The following HIPK2 variants were observed in gnomAD, a reference collection of about 807,000 sequenced individuals.
HIPK2 encodes homeodomain-interacting protein kinase 2.
HIPK2 carries 27 observed loss-of-function variants against 113.7 expected under a neutral mutation model. That is an observed-to-expected ratio of 0.24 (90% confidence interval 0.17 to 0.33). The LOEUF (loss-of-function observed/expected upper bound fraction) is 0.33. HIPK2 is among the 10% of genes least tolerant of loss of function. HIPK2 has a pLI of 1.00. For synonymous variants in HIPK2, 631 were observed against 642.2 expected (o/e 0.98, Z 0.26); for missense variants, 1,257 against 1,588.0 (o/e 0.79, Z 3.54).
intron 1 of HIPK2, among the ~76,000 whole-genome samples, chr7:139,724,528 CTTT>C (rs1002336723): frequency 1.3e-5 from 2 of 151,340 alleles, no homozygotes; most frequent in Non-Finnish European, 2.9e-5. Context: ...CTACAGAATT[CTTT>C]TTTTTTATTA....
At chr7:139,652,972 C>G (rs1254768384) in intron 2 of HIPK2, among the ~76,000 whole-genome samples, 2 of 151,812 alleles carry the variant, frequency 1.3e-5, no homozygotes, top group Non-Finnish European at 2.9e-5. Flanking sequence ...AACCCCACCT[C>G]TACTAAAAAT....
chr7:139,694,224 A>C (rs1794498215), intron 2 of HIPK2, among the ~76,000 whole-genome samples: 1 of 152,196 alleles, frequency 6.6e-6, no homozygotes, highest in Admixed American at 6.5e-5. Flanking sequence ...ATGAACTTTA[A>C]TCCATCCTCC....
intron 2 of HIPK2, among the ~76,000 whole-genome samples, chr7:139,677,526 A>G (rs1802545342): frequency 6.6e-6 from 1 of 152,178 alleles, no homozygotes. Context: ...CGGAAGGCAG[A>G]AGGTCAAGAG....
At chr7:139,670,583 A>G (rs1192035951) in intron 2 of HIPK2, among the ~76,000 whole-genome samples, 1 of 149,894 alleles carries the variant, frequency 6.7e-6, no homozygotes, top group Non-Finnish European at 1.5e-5. Flanking sequence ...CCTGTCTTGA[A>G]AAAAAAAAAG....
At chr7:139,664,175 T>G (rs1345614301) in intron 2 of HIPK2, among the ~76,000 whole-genome samples, 2 of 152,154 alleles carry the variant, frequency 1.3e-5, no homozygotes, top group East Asian at 3.9e-4. Flanking sequence ...ATATCTCATG[T>G]TAATCTCACT....
At chr7:139,641,694 G>A (rs1265256989) in intron 2 of HIPK2, among the ~76,000 whole-genome samples, 3 of 152,174 alleles carry the variant, frequency 2.0e-5, no homozygotes, top group Admixed American at 6.5e-5. Flanking sequence ...TGGCATCGGC[G>A]GCAACAAGGG....
At chr7:139,729,404 T>TAACACAA (rs1795702747) in intron 1 of HIPK2, among the ~76,000 whole-genome samples, 1 of 138,344 alleles carries the variant, frequency 7.2e-6, no homozygotes, top group Non-Finnish European at 1.5e-5. Flanking sequence ...GGCTTATTAA[T>TAACACAA]AACACAAAAA....
intron 6 of HIPK2, among the ~76,000 whole-genome samples, chr7:139,622,733 A>G (rs1800277403): frequency 1.3e-5 from 2 of 152,278 alleles, no homozygotes; most frequent in South Asian, 4.1e-4. Flanking sequence ...TTTTCCCAGC[A>G]AGTTCTAGAG....
rs1798329453 is a variant in HIPK2 at position 139,572,765 on chromosome 7, C to CCG, written c.*161_*162insCG. ...TCCCGACCCGTCCCCCTGCCCTCTGCCCCCCCCCCCCCCCCCGCCCCTGCC... is the reference window on the plus strand; with the variant it reads ...TCCCGACCCGTCCCCCTGCCCTCTGCCGCCCCCCCCCCCCCCCCGCCCCTGCC... On this transcript the variant is annotated 3_prime_UTR_variant, in exon 15 of 15. Transcript: ENST00000406875. 0.013 allele frequency: 35 copies of CCG among 2,620 alleles called. 2 individuals carry two copies. Among genetic ancestry groups the CCG allele is most frequent in the Non-Finnish European group, 0.024 (31 of 1,290 alleles). The allele number at this position is 2,620 out of a possible 1,614,324, so 0.2% of individuals were successfully genotyped here. A position where few individuals can be genotyped will look rare whatever the true frequency, so the allele number is the denominator to read the frequency against.
intron 1 of HIPK2, among the ~76,000 whole-genome samples, chr7:139,761,456 A>G (rs1360831396): frequency 6.6e-6 from 1 of 152,228 alleles, no homozygotes; most frequent in African/African-American, 2.4e-5. Flanking sequence ...AGTAACAGTG[A>G]GTGAAGCACA....
At position 139,564,496 on chromosome 7, in the gene HIPK2, T is replaced by C. The variant is rs1798035514; in HGVS notation, c.*8431A>G. 1 of 152,268 alleles carries C rather than the reference T, an allele frequency of 6.6e-6. No individual in the cohort carries two copies. The highest frequency in any genetic ancestry group is 6.5e-5 in the Admixed American group (1 of 15,288). The allele number at this position is 152,268 out of a possible 1,614,324, so 9.4% of individuals were successfully genotyped here. On this transcript the variant is annotated 3_prime_UTR_variant, in exon 15 of 15. Coordinates refer to ENST00000406875, the MANE Select transcript of HIPK2 (RefSeq NM_022740.5). Reference sequence around the variant, plus strand: ...AGAGAAGGCCTTGAAGACAAGTGTTTAGACGACACGCATGAGACCTTCGCA... The same window carrying C: ...AGAGAAGGCCTTGAAGACAAGTGTTCAGACGACACGCATGAGACCTTCGCA...
chr7:139,612,390 G>C (rs1041043207), intron 9 of HIPK2, among the ~76,000 whole-genome samples: 1 of 152,126 alleles, frequency 6.6e-6, no homozygotes, highest in African/African-American at 2.4e-5. Context: ...AAGTAGTATA[G>C]CTTGGTGGTT....
intron 2 of HIPK2, among the ~76,000 whole-genome samples, chr7:139,638,700 C>T (rs544945596): frequency 8.8e-5 from 13 of 147,494 alleles, no homozygotes; most frequent in African/African-American, 3.4e-4. Context: ...CTCTGTTGCC[C>T]AGGCTGGAGT....
chr7:139,673,885 TAAAAAAAAAAAAAAAAA>T (rs60905469), intron 2 of HIPK2, among the ~76,000 whole-genome samples: 3 of 73,456 alleles, frequency 4.1e-5, no homozygotes, highest in South Asian at 1.5e-3. Context: ...CTATCTGTAC[TAAAAAAAAAAAAAAAAA>T]AAAAAAAAAA....
intron 12 of HIPK2, among the ~76,000 whole-genome samples, chr7:139,588,885 G>A (rs1158828028): frequency 1.3e-5 from 2 of 152,220 alleles, no homozygotes; most frequent in African/African-American, 4.8e-5. Context: ...GCCATGACTG[G>A]GAGCAGCTGC....
chr7:139,774,067 T>C (rs1329427561), intron 1 of HIPK2, among the ~76,000 whole-genome samples: 1 of 152,222 alleles, frequency 6.6e-6, no homozygotes, highest in Non-Finnish European at 1.5e-5. Flanking sequence ...TTCTTTCTTC[T>C]ATGGCTATAG....
chr7:139,734,154 C>T (rs531245440), intron 1 of HIPK2, among the ~76,000 whole-genome samples: 7 of 152,310 alleles, frequency 4.6e-5, no homozygotes, highest in Admixed American at 1.3e-4. Flanking sequence ...TTAAAGACAA[C>T]GTTAAAATTC....
rs189719777 is a variant in HIPK2 at position 139,639,679 on chromosome 7, C to T, written c.1104-7954G>A. On this transcript the variant is annotated intron_variant, in intron 2 of 14. Transcript: ENST00000406875. Reference sequence around the variant, plus strand: ...GGGGTGGCTACCACACACAGAGCAGCGCAAGTCCCCCAACCCCCATGTCAC... The same window carrying T: ...GGGGTGGCTACCACACACAGAGCAGTGCAAGTCCCCCAACCCCCATGTCAC... 4.7e-3 allele frequency among the ~76,000 whole-genome samples: 721 copies of T among 152,292 alleles called. 2 individuals carry two copies. The highest frequency in any genetic ancestry group is 5.6e-3 in the Non-Finnish European group (383 of 68,028).
chr7:139,648,287 T>C (rs1801315580), intron 2 of HIPK2, among the ~76,000 whole-genome samples: 2 of 152,218 alleles, frequency 1.3e-5, no homozygotes, highest in Non-Finnish European at 2.9e-5. Context: ...CTTTAGTAAG[T>C]CTTGCTTGTG....
Sources: allele counts gnomAD v4.1 joint callset (sites outside exome capture counted in the v4.1 genomes callset), GRCh38; gene constraint gnomAD v4.1.1; transcripts MANE v1.5; gene names NCBI Gene and HGNC (gene_info 2026-07-23, HGNC 2026-07-21).